ASIC2: variants seen among roughly 807,000 people sequenced by gnomAD.
ASIC2 encodes acid-sensing ion channel 2.
Under a neutral mutation model 57.3 loss-of-function variants are expected in ASIC2, and 25 were observed. The ratio of observed to expected loss-of-function variants is 0.44; its 90% confidence interval spans 0.32 to 0.61. The LOEUF is 0.61. Among genes scored for constraint, ASIC2 ranks in the 20% least tolerant of loss-of-function variants. The probability of loss-of-function intolerance (pLI) is 0.06; values close to 1 mark genes in which losing one functional copy is unlikely to be tolerated. For missense variants in ASIC2, 641 were observed against 738.1 expected, an observed-to-expected ratio of 0.87 and a Z score of 1.52; for synonymous variants, 319 against 307.5, an observed-to-expected ratio of 1.04 and a Z score of -0.39.
At chr17:33,084,393 C>T (rs1417078485) in intron 3 of ASIC2, among the ~76,000 whole-genome samples, 1 of 152,178 alleles carries the variant, frequency 6.6e-6, no homozygotes, top group Non-Finnish European at 1.5e-5. Context: ...GCCAGCCAGT[C>T]CCTCCCTGGA....
chr17:33,349,406 G>C (rs1205348122), intron 1 of ASIC2, among the ~76,000 whole-genome samples: 1 of 152,098 alleles, frequency 6.6e-6, no homozygotes, highest in East Asian at 1.9e-4. Flanking sequence ...AGTTATTATG[G>C]GTCACAGAGT....
intron 1 of ASIC2, among the ~76,000 whole-genome samples, chr17:33,442,914 T>C (rs1911875592): frequency 6.6e-6 from 1 of 152,242 alleles, no homozygotes; most frequent in African/African-American, 2.4e-5. Flanking sequence ...GGCAGGGTTT[T>C]CATAGATGTC....
At position 33,843,711 on chromosome 17, in the gene ASIC2, T is replaced by C. The variant is rs185574237; in HGVS notation, c.555+312267A>G. ...CTTCAATTAAACTGATGGAGAAGCT[T>C]GAAAAGAGAGTAGTTGGAAAATTGA... On this transcript the variant is annotated intron_variant, in intron 1 of 9. Transcript: ENST00000359872. Among the ~76,000 whole-genome samples the C allele has an allele frequency of 4.6e-5, 7 of 152,260 alleles. No homozygotes were observed. The East Asian group carries it at 1.2e-3, about 25-fold the overall frequency.
At chr17:33,366,336 C>T (rs111557179) in intron 1 of ASIC2, among the ~76,000 whole-genome samples, 2,290 of 152,252 alleles carry the variant, frequency 0.015, 58 homozygotes, top group African/African-American at 0.052. Context: ...TCTTTCTCTC[C>T]GGTCTCATCT....
intron 1 of ASIC2, among the ~76,000 whole-genome samples, chr17:33,509,313 C>T (rs1914360139): frequency 1.3e-5 from 2 of 152,186 alleles, no homozygotes; most frequent in Admixed American, 1.3e-4. Flanking sequence ...CCTTTAGGCT[C>T]TAACCCCCTT....
chr17:33,021,430 G>T, intron 6 of ASIC2, 120 bp from the exon 7 acceptor site: 1 of 823,630 alleles, frequency 1.2e-6, no homozygotes, highest in African/African-American at 1.8e-5. Flanking sequence ...GAGGCAGCTT[G>T]CCCAAAGTTA....
At chr17:33,437,858 A>G (rs1911681111) in intron 1 of ASIC2, among the ~76,000 whole-genome samples, 2 of 152,200 alleles carry the variant, frequency 1.3e-5, no homozygotes, top group Non-Finnish European at 2.9e-5. Context: ...TTTGGATATC[A>G]TATGGACTCC....
chr17:33,696,998 C>T (rs1400344975), intron 1 of ASIC2, among the ~76,000 whole-genome samples: 1 of 152,064 alleles, frequency 6.6e-6, no homozygotes, highest in Non-Finnish European at 1.5e-5. Flanking sequence ...GGTTTTGCAC[C>T]ATTCCTCTTG....
chr17:33,532,710 T>C (rs939282988), intron 1 of ASIC2, among the ~76,000 whole-genome samples: 2 of 152,220 alleles, frequency 1.3e-5, no homozygotes, highest in Admixed American at 6.5e-5. Context: ...ACCTGCATCA[T>C]CTTTTCACGA....
At chr17:33,826,276 C>T (rs1028572745) in intron 1 of ASIC2, among the ~76,000 whole-genome samples, 2 of 152,208 alleles carry the variant, frequency 1.3e-5, no homozygotes, top group Non-Finnish European at 2.9e-5. Context: ...AGCATAGTTC[C>T]TCTTAGAACT....
At chr17:33,775,614 G>A (rs767700748) in intron 1 of ASIC2, among the ~76,000 whole-genome samples, 12 of 152,138 alleles carry the variant, frequency 7.9e-5, no homozygotes, top group African/African-American at 9.7e-5. Flanking sequence ...AGTGATGTGC[G>A]TGTGTAATGT....
intron 1 of ASIC2, among the ~76,000 whole-genome samples, chr17:33,631,503 G>A (rs549367803): frequency 4.6e-5 from 7 of 152,132 alleles, no homozygotes; most frequent in African/African-American, 1.2e-4. Flanking sequence ...GTTCTGTGAC[G>A]TTTTTGTATC....
intron 1 of ASIC2, among the ~76,000 whole-genome samples, chr17:33,461,702 T>C (rs2141912114): frequency 6.6e-6 from 1 of 152,284 alleles, no homozygotes; most frequent in Middle Eastern, 3.4e-3. Flanking sequence ...AAGGGTGTGT[T>C]TATGTATCTA....
intron 1 of ASIC2, among the ~76,000 whole-genome samples, chr17:33,820,790 C>T (rs1912720206): frequency 6.6e-6 from 1 of 152,158 alleles, no homozygotes; most frequent in Non-Finnish European, 1.5e-5. Context: ...ATTCCTCTTA[C>T]CTCAGCCTTC....
At chr17:33,603,208 T>G (rs370512778) in intron 1 of ASIC2, among the ~76,000 whole-genome samples, 1 of 152,202 alleles carries the variant, frequency 6.6e-6, no homozygotes, top group East Asian at 1.9e-4. Context: ...CCGTTTAGTG[T>G]GCACCAGGGG....
intron 1 of ASIC2, among the ~76,000 whole-genome samples, chr17:33,604,639 G>A (rs1905183998): frequency 6.6e-6 from 1 of 152,098 alleles, no homozygotes; most frequent in African/African-American, 2.4e-5. Flanking sequence ...AGAGAAAGAG[G>A]CGAGGGGGTT....
At chr17:33,083,686 G>C (rs144182315) in intron 3 of ASIC2, among the ~76,000 whole-genome samples, 1,925 of 152,300 alleles carry the variant, frequency 0.013, 36 homozygotes, top group African/African-American at 0.044. Context: ...TGCCATCAAA[G>C]AACATGGGGT....
At chr17:33,710,040 C>T (rs916064672) in intron 1 of ASIC2, among the ~76,000 whole-genome samples, 1 of 152,210 alleles carries the variant, frequency 6.6e-6, no homozygotes, top group African/African-American at 2.4e-5. Flanking sequence ...AATTAATTAT[C>T]TCTGCCTCCA....
chr17:33,107,103 C>A (rs4306567), intron 2 of ASIC2, among the ~76,000 whole-genome samples: 37 of 151,976 alleles, frequency 2.4e-4, no homozygotes, highest in African/African-American at 8.5e-4. Context: ...GATAACCCAC[C>A]GCCTATTCCT....
Sources: allele counts gnomAD v4.1 joint callset (sites outside exome capture counted in the v4.1 genomes callset), GRCh38; gene constraint gnomAD v4.1.1; transcripts MANE v1.5; gene names NCBI Gene and HGNC (gene_info 2026-07-23, HGNC 2026-07-21).